Variants in KCNH1 observed in about 807,000 individuals in gnomAD.
KCNH1 encodes potassium voltage-gated channel subfamily H member 1, also known as voltage-gated delayed rectifier potassium channel KCNH1.
Under a neutral mutation model 69.2 loss-of-function variants are expected in KCNH1, and 27 were observed. That is an observed-to-expected ratio of 0.39 (90% CI 0.29 to 0.54). KCNH1 has a LOEUF of 0.54. Ranked by LOEUF, KCNH1 falls within the 20% of genes least tolerant of loss-of-function variation. The pLI is 0.68. For synonymous variants in KCNH1, 456 were observed against 487.7 expected (o/e 0.93, Z 0.86); for missense variants, 798 against 1,261.6 (o/e 0.63, Z 5.57).
chr1:210,794,870 T>A (rs1934614), intron 9 of KCNH1, among the ~76,000 whole-genome samples: 38,851 of 152,106 alleles, frequency 0.26, 6,267 homozygotes, highest in African/African-American at 0.46. Context: ...ACCAGTAGAA[T>A]TTCCTCCTTA....
chr1:210,807,758 A>T (rs1268978804), intron 7 of KCNH1, among the ~76,000 whole-genome samples: 1 of 152,200 alleles, frequency 6.6e-6, no homozygotes, highest in Non-Finnish European at 1.5e-5. Flanking sequence ...CCTTCCTTTT[A>T]GTTGATGAAT....
intron 7 of KCNH1, among the ~76,000 whole-genome samples, chr1:210,851,374 T>C (rs1318671471): frequency 1.3e-5 from 2 of 152,230 alleles, no homozygotes; most frequent in African/African-American, 2.4e-5. Flanking sequence ...AGGAAAGCTA[T>C]GTTCTTAAAA....
chr1:211,067,519 TG>T (rs1690554553), intron 5 of KCNH1, among the ~76,000 whole-genome samples: 1 of 152,218 alleles, frequency 6.6e-6, no homozygotes, highest in Non-Finnish European at 1.5e-5. Context: ...ATACTACCCC[TG>T]CCCAGTGCTG....
intron 7 of KCNH1, among the ~76,000 whole-genome samples, chr1:210,871,620 T>C (rs1332442148): frequency 1.3e-5 from 2 of 152,008 alleles, no homozygotes; most frequent in African/African-American, 4.8e-5. Context: ...TATTGCGGCA[T>C]TATTCACAAT....
At chr1:211,101,111 C>G (rs182694432) in intron 3 of KCNH1, among the ~76,000 whole-genome samples, 5 of 152,166 alleles carry the variant, frequency 3.3e-5, no homozygotes, top group Non-Finnish European at 4.4e-5. Context: ...TCCCTGACCC[C>G]CTAGGTTGGA....
intron 5 of KCNH1, among the ~76,000 whole-genome samples, chr1:211,040,059 C>T (rs375449393): frequency 1.3e-4 from 19 of 151,904 alleles, no homozygotes; most frequent in African/African-American, 1.9e-4. Flanking sequence ...GGCGTGGTGG[C>T]GGGCGCCTGT....
intron 7 of KCNH1, among the ~76,000 whole-genome samples, chr1:210,813,417 T>C (rs1574272162): frequency 6.6e-6 from 1 of 152,164 alleles, no homozygotes; most frequent in East Asian, 1.9e-4. Context: ...TGAACGAAGC[T>C]ATTCATGGAT....
rs1691371175 is a variant in KCNH1, at chr1:211,107,392, A to G, written c.80-15T>C. The G allele has an allele frequency of 6.3e-7, 1 of 1,598,952 alleles. No homozygotes were observed. Among genetic ancestry groups the G allele is most frequent in the Admixed American group, 1.8e-5 (1 of 56,324 alleles). On this transcript the variant is annotated splice_polypyrimidine_tract_variant and intron_variant, in intron 1 of 10. Transcript: ENST00000271751. ...AAAATTAGTATCTGTTAAAAAAAAA[A>G]AAAAGGGAAAAAAGGGCACATGAGG... is the stretch of plus-strand genomic sequence containing the variant.
chr1:211,060,342 A>C (rs990222066), intron 5 of KCNH1, among the ~76,000 whole-genome samples: 18 of 133,624 alleles, frequency 1.3e-4, no homozygotes, highest in African/African-American at 4.6e-4. Flanking sequence ...CGGAGCTTGC[A>C]GTGAGCCGAG....
At chr1:211,030,881 T>C (rs1689770721) in intron 5 of KCNH1, among the ~76,000 whole-genome samples, 2 of 152,034 alleles carry the variant, frequency 1.3e-5, no homozygotes, top group Non-Finnish European at 2.9e-5. Context: ...TAATCTATAA[T>C]ATATAACCTC....
rs188923703 is a variant in KCNH1 at position 210,853,654 on chromosome 1, A to G, written c.1463-49488T>C. 2.7e-4 allele frequency among the ~76,000 whole-genome samples: 41 copies of G among 152,294 alleles called. 1 individual carries two copies. The East Asian group carries it at 7.7e-3, about 29-fold the overall frequency. On this transcript the variant is annotated intron_variant, in intron 7 of 10. Transcript: ENST00000271751. ...TAAGAGCTTCAAAAGCCACAGTTGG[A>G]CCTAGCCCAGGGTCAGAGAAACACA...
chr1:210,933,295 T>A (rs1377059056), intron 6 of KCNH1, among the ~76,000 whole-genome samples: 1 of 151,264 alleles, frequency 6.6e-6, no homozygotes, highest in Non-Finnish European at 1.5e-5. Context: ...TTCTCACTCA[T>A]AGGTGGGAAT....
chr1:210,683,073 C>T lies in KCNH1; in HGVS notation c.*208G>A, dbSNP rs73065562. On this transcript the variant is annotated 3_prime_UTR_variant, in exon 11 of 11. Coordinates refer to ENST00000271751, the MANE Select transcript of KCNH1 (RefSeq NM_172362.3). The surrounding 1 kb of genome is among the most constrained non-coding windows in gnomAD (Gnocchi z 5.7). ...AAATTGTGCAAAGACGGTTCAGATG[C>T]AGCTGCCACCTTGCAGGGTAGGGGC... The T allele has an allele frequency of 6.4e-4, 399 of 621,550 alleles. 2 individuals are homozygous for T. Among genetic ancestry groups the T allele is most frequent in the African/African-American group, 6.3e-3 (350 of 55,228 alleles). The allele number at this position is 621,550 out of a possible 1,614,324, so 38.5% of individuals were successfully genotyped here. A position where few individuals can be genotyped will look rare whatever the true frequency, so the allele number is the denominator to read the frequency against.
chr1:210,963,153 CT>C (rs1688329609), intron 6 of KCNH1, among the ~76,000 whole-genome samples: 1 of 151,332 alleles, frequency 6.6e-6, no homozygotes, highest in South Asian at 2.1e-4. Context: ...TTTACATTAG[CT>C]TTTTTTGGTA....
chr1:210,831,982 T>TTTAA (rs59724899), intron 7 of KCNH1, among the ~76,000 whole-genome samples: 95,503 of 151,482 alleles, frequency 0.63, 31,159 homozygotes, highest in African/African-American at 0.81. Flanking sequence ...TTTATTTAAC[T>TTTAA]TTAATTTCAA....
intron 6 of KCNH1, among the ~76,000 whole-genome samples, chr1:211,004,991 A>G (rs753435289): frequency 5.9e-5 from 9 of 152,174 alleles, no homozygotes; most frequent in Non-Finnish European, 1.0e-4. Flanking sequence ...TAATAAAGTT[A>G]GTAAATTGGC....
intron 10 of KCNH1, among the ~76,000 whole-genome samples, chr1:210,733,921 G>T (rs1682804893): frequency 6.7e-6 from 1 of 149,570 alleles, no homozygotes. Context: ...AATGCCTGGA[G>T]CATCTTCAAT....
chr1:210,714,075 T>C (rs759416357), intron 10 of KCNH1, among the ~76,000 whole-genome samples: 6 of 152,092 alleles, frequency 3.9e-5, no homozygotes, highest in Non-Finnish European at 8.8e-5. Flanking sequence ...GTGAGACACA[T>C]GTGAAGAAGA....
rs1052441122 is a variant in KCNH1, at chr1:210,853,250, C to T, written c.1463-49084G>A. Among the ~76,000 whole-genome samples, 7 of 152,276 alleles carry T rather than the reference C, an allele frequency of 4.6e-5. No individual in the cohort carries two copies. In the East Asian group the frequency reaches 1.4e-3, roughly 29 times the overall value. ...CAGAGATAACACCTACCTGGTAGGGCCTCTGTGGCTTAAAAGAGATCACAT... is the reference window on the plus strand; with the variant it reads ...CAGAGATAACACCTACCTGGTAGGGTCTCTGTGGCTTAAAAGAGATCACAT... On this transcript the variant is annotated intron_variant, in intron 7 of 10. Coordinates refer to ENST00000271751, the MANE Select transcript of KCNH1 (RefSeq NM_172362.3).
Sources: gnomAD v4.1 joint callset for allele counts (sites outside exome capture counted in the v4.1 genomes callset) on GRCh38, gnomAD v4.1.1 for gene constraint, Gnocchi (gnomAD v3.1) non-coding constraint, MANE v1.5 for transcripts, NCBI Gene and HGNC (gene_info 2026-07-23, HGNC 2026-07-21) for gene names.